Variants in SLC47A1 observed in about 807,000 individuals in gnomAD.
SLC47A1 encodes solute carrier family 47 member 1.
In SLC47A1, 58 loss-of-function variants were observed where a neutral mutation model predicts 65.8. The observed-to-expected ratio is 0.88, with a 90% confidence interval of 0.71 to 1.10. The LOEUF (loss-of-function observed/expected upper bound fraction) is 1.10, where lower values mean the gene tolerates loss of function less well. Ranked by LOEUF, SLC47A1 falls within the 50% of genes least tolerant of loss-of-function variation. The probability of loss-of-function intolerance (pLI) is 0.00; values close to 1 mark genes in which losing one functional copy is unlikely to be tolerated. For missense variants in SLC47A1, 706 were observed against 719.2 expected, an observed-to-expected ratio of 0.98 and a Z score of 0.21; for synonymous variants, 285 against 295.0, an observed-to-expected ratio of 0.97 and a Z score of 0.35.
chr17:19,533,963 G>A lies in SLC47A1; in HGVS notation c.24G>A (p.Ala8=). 1 of 1,534,318 alleles carries A rather than the reference G, an allele frequency of 6.5e-7. No individual in the cohort carries two copies. The highest frequency in any genetic ancestry group is 8.7e-7 in the Non-Finnish European group (1 of 1,143,726). ...ACATGGAAGCTCCTGAGGAGCCCGC[G>A]CCAGTGCGCGGAGGCCCGGAGGCCA... is the stretch of plus-strand genomic sequence containing the variant. MEAPEEP[A]PVRGGPEATL... is the part of the protein sequence containing the mutation. Residue 8 remains alanine (A), a synonymous_variant, in exon 1 of 17, where the codon GCG becomes GCA. Transcript: ENST00000270570.
intron 10 of SLC47A1, among the ~76,000 whole-genome samples, chr17:19,556,463 T>C (rs928324110): frequency 6.6e-6 from 1 of 152,116 alleles, no homozygotes; most frequent in African/African-American, 2.4e-5. Flanking sequence ...CCTGTGTCAC[T>C]ATGCCCGCTC....
chr17:19,534,105 T>A (rs967973111), intron 1 of SLC47A1, 31 bp downstream of exon 1: 2 of 1,497,198 alleles, frequency 1.3e-6, no homozygotes, highest in African/African-American at 1.4e-5. Flanking sequence ...GGCAGGCCGG[T>A]ACCGGCGGGC....
At position 19,577,557 on chromosome 17, in the gene SLC47A1, G is replaced by A; in HGVS notation, c.*4G>A. On this transcript the variant is annotated 3_prime_UTR_variant, in exon 17 of 17. Transcript: ENST00000270570. Reference sequence around the variant, plus strand: ...ATTCTATGTCAGAATTCAGTGACGTGGTAGGAAAGAAAGTCAGGTCAAGTG... The same window carrying A: ...ATTCTATGTCAGAATTCAGTGACGTAGTAGGAAAGAAAGTCAGGTCAAGTG... 1 of 1,613,844 alleles carries A rather than the reference G, an allele frequency of 6.2e-7. No individual in the cohort carries two copies. The highest frequency in any genetic ancestry group is 8.5e-7 in the Non-Finnish European group (1 of 1,179,846).
intron 16 of SLC47A1, among the ~76,000 whole-genome samples, chr17:19,573,858 C>CCAGCCAAACTGAAGGTGTGCTG (rs1209903960): frequency 2.0e-5 from 3 of 151,710 alleles, no homozygotes; most frequent in Non-Finnish European, 4.4e-5. Flanking sequence ...TCTGGAGCAC[C>CCAGCCAAACTGAAGGTGTGCTG]CAGCCAAACT....
chr17:19,539,356 G>A (rs368467431), intron 1 of SLC47A1, among the ~76,000 whole-genome samples: 1 of 152,192 alleles, frequency 6.6e-6, no homozygotes, highest in African/African-American at 2.4e-5. Flanking sequence ...AATATGCTCT[G>A]TGACAGCACA....
chr17:19,535,548 G>C (rs1350404350), intron 1 of SLC47A1: 1 of 152,174 alleles, frequency 6.6e-6, no homozygotes, highest in Non-Finnish European at 1.5e-5. Context: ...TCAAGAGATT[G>C]AGACCATCCT....
At position 19,577,483 on chromosome 17, in the gene SLC47A1, T is replaced by G; in HGVS notation, c.1643T>G (p.Leu548Arg). The change falls in exon 17 of 17, where the codon CTT becomes CGT. Residue 548 changes from leucine (L) to arginine (R), a missense_variant. Leu to Arg is a moderately radical substitution (Grantham distance 102). Coordinates refer to ENST00000270570, the MANE Select transcript of SLC47A1 (RefSeq NM_018242.3). ...AAACAGCTGGTGCTGCGGCGAGGGC[T>G]TCTGCTCCTGGGGGTCTTCTTAATC... ...SRKQLVLRRG[L>R]LLLGVFLILL... 1.2e-6 allele frequency: 2 copies of G among 1,614,190 alleles called. No individual in the cohort carries two copies. Among genetic ancestry groups the G allele is most frequent in the South Asian group, 2.2e-5 (2 of 91,084 alleles).
In SLC47A1 at chr17:19,534,057, G is replaced by A. The variant is rs760044472; in HGVS notation, c.118G>A (p.Val40Ile). ...AFREELRALL[V>I]LAGPAFLVQL... ...CCGAGAAGAGCTGCGGGCGCTCTTGGTCCTGGCTGGCCCCGCGGTGAGTAA... is the reference window on the plus strand; with the variant it reads ...CCGAGAAGAGCTGCGGGCGCTCTTGATCCTGGCTGGCCCCGCGGTGAGTAA... Residue 40 changes from valine (V) to isoleucine (I), a missense_variant, in exon 1 of 17, where the codon GTC (valine) becomes ATC (isoleucine). Physicochemically the swap from Val to Ile is conservative, Grantham distance 29. Coordinates refer to ENST00000270570, the MANE Select transcript of SLC47A1 (RefSeq NM_018242.3). The A allele has an allele frequency of 1.5e-5, 23 of 1,544,618 alleles. No individual in the cohort carries two copies. The South Asian group carries it at 2.8e-4, about 19-fold the overall frequency.
At chr17:19,572,349 A>G (rs1217317165) in intron 15 of SLC47A1, among the ~76,000 whole-genome samples, 1 of 151,744 alleles carries the variant, frequency 6.6e-6, no homozygotes. Context: ...GCTGGACTAT[A>G]GTGGCAGGAT....
Position 19,548,995 on chromosome 17 carries a change from G to A in SLC47A1, c.456-640G>A, listed in dbSNP as rs1649789057. Among the ~76,000 whole-genome samples, 3 of 152,130 alleles carry A rather than the reference G, an allele frequency of 2.0e-5. 1 individual carries two copies. The South Asian group carries it at 6.2e-4, about 32-fold the overall frequency. ...TTCTGGTTATCACAGCTGGCAGTAGGAGGGTGCTCCTGGTAGAAGGCAGGA... is the reference window on the plus strand; with the variant it reads ...TTCTGGTTATCACAGCTGGCAGTAGAAGGGTGCTCCTGGTAGAAGGCAGGA... On this transcript the variant is annotated intron_variant, in intron 4 of 16. Transcript: ENST00000270570.
intron 10 of SLC47A1, among the ~76,000 whole-genome samples, chr17:19,559,222 G>C (rs2057087979): frequency 6.6e-6 from 1 of 152,200 alleles, no homozygotes; most frequent in African/African-American, 2.4e-5. Flanking sequence ...TGATGCAGCT[G>C]ATAAAGTGGC....
intron 1 of SLC47A1, among the ~76,000 whole-genome samples, chr17:19,535,989 C>T (rs1455210551): frequency 6.6e-6 from 1 of 152,006 alleles, no homozygotes; most frequent in East Asian, 1.9e-4. Flanking sequence ...TTTTTTGAGA[C>T]AGGGTCTTGA....
intron 12 of SLC47A1, among the ~76,000 whole-genome samples, chr17:19,561,671 G>T (rs2084312683): frequency 6.6e-6 from 1 of 151,552 alleles, no homozygotes; most frequent in African/African-American, 2.4e-5. Context: ...AAGATCAGAG[G>T]CTCCACTGAT....
rs374070009 is a variant in SLC47A1, at chr17:19,534,409, C to T, written c.135+335C>T. The T allele has an allele frequency of 2.4e-4, 63 of 257,730 alleles. 1 individual carries two copies. The highest frequency in any genetic ancestry group is 1.3e-3 in the African/African-American group (60 of 45,102). The allele number at this position is 257,730 out of a possible 1,614,324, so 16.0% of individuals were successfully genotyped here. A position where few individuals can be genotyped will look rare whatever the true frequency, so the allele number is the denominator to read the frequency against. On this transcript the variant is annotated intron_variant, in intron 1 of 16. Transcript: ENST00000270570. Reference sequence around the variant, plus strand: ...GCTGGGACCTTTGCCCCTAACGGGGCTCTACCAGGTCCAGGCTGCATTTGC... The same window carrying T: ...GCTGGGACCTTTGCCCCTAACGGGGTTCTACCAGGTCCAGGCTGCATTTGC...
chr17:19,566,016 G>A (rs1449331739), intron 12 of SLC47A1, among the ~76,000 whole-genome samples: 3 of 152,122 alleles, frequency 2.0e-5, no homozygotes, highest in South Asian at 2.1e-4. Context: ...ACATCTCCAC[G>A]CTGTGTGTGC....
At position 19,551,429 on chromosome 17, in the gene SLC47A1, CT is replaced by C; in HGVS notation, c.507del (p.Leu170PhefsTer20). The C allele has an allele frequency of 6.2e-7, 1 of 1,608,244 alleles. No individual in the cohort carries two copies. Among genetic ancestry groups the C allele is most frequent in the Non-Finnish European group, 8.5e-7 (1 of 1,174,630 alleles). On this transcript the variant is annotated frameshift_variant, in exon 6 of 17. Transcript: ENST00000270570. LOFTEE classifies it high-confidence loss of function. ...TIFIPALPAT[F>X]LYMLQVKYLL... ...TCTCTCTTGTTCTCTTGTAGGCAAC[CT>C]TTCTTTATATGTTACAAGTTAAATA...
chr17:19,573,920 CTT>C (rs397856610), intron 16 of SLC47A1, among the ~76,000 whole-genome samples: 135 of 122,356 alleles, frequency 1.1e-3, no homozygotes, highest in Non-Finnish European at 1.2e-3. Context: ...CTGGTTCATG[CTT>C]TTTTTTTTTT....
At chr17:19,572,457 C>T (rs2084407070) in intron 15 of SLC47A1, among the ~76,000 whole-genome samples, 1 of 152,022 alleles carries the variant, frequency 6.6e-6, no homozygotes, top group East Asian at 1.9e-4. Flanking sequence ...CCATGCCTGG[C>T]TGTTTTTTTT....
At chr17:19,576,921 A>G (rs2084444979) in intron 16 of SLC47A1, among the ~76,000 whole-genome samples, 1 of 151,996 alleles carries the variant, frequency 6.6e-6, no homozygotes, top group Non-Finnish European at 1.5e-5. Flanking sequence ...CTAATTTTGT[A>G]TTTTTAGTAG....
Sources: gnomAD v4.1 joint callset for allele counts (sites outside exome capture counted in the v4.1 genomes callset) on GRCh38, gnomAD v4.1.1 for gene constraint, MANE v1.5 for transcripts, NCBI Gene and HGNC (gene_info 2026-07-23, HGNC 2026-07-21) for gene names.